ARL15: variants seen among roughly 807,000 people sequenced by gnomAD.
The protein encoded by ARL15 is ARF like GTPase 15.
Under a neutral mutation model 25.2 loss-of-function variants are expected in ARL15, and 19 were observed. That is an observed-to-expected ratio of 0.75 (90% confidence interval 0.53 to 1.10). The LOEUF (loss-of-function observed/expected upper bound fraction) is 1.10. Ranked by LOEUF, ARL15 falls within the 50% of genes least tolerant of loss-of-function variation. The probability of loss-of-function intolerance (pLI) is 0.00; values close to 1 mark genes in which losing one functional copy is unlikely to be tolerated. For missense variants in ARL15, 220 were observed against 246.0 expected (o/e 0.89, Z 0.71); for synonymous variants, 94 against 86.8 (o/e 1.08, Z -0.46).
chr5:54,290,120 A>G (rs1758287556), intron 1 of ARL15, among the ~76,000 whole-genome samples: 1 of 152,198 alleles, frequency 6.6e-6, no homozygotes, highest in African/African-American at 2.4e-5. Context: ...AGGAGTAAAC[A>G]TTCCAAATCC....
At chr5:54,107,230 C>T (rs1209404368) in intron 4 of ARL15, among the ~76,000 whole-genome samples, 1 of 152,152 alleles carries the variant, frequency 6.6e-6, no homozygotes, top group Admixed American at 6.6e-5. Context: ...ATTCAATTGC[C>T]TCCTCCTGGC....
intron 4 of ARL15, among the ~76,000 whole-genome samples, chr5:54,048,619 T>TGG (rs1391083627): frequency 6.6e-6 from 1 of 151,532 alleles, no homozygotes; most frequent in East Asian, 1.9e-4. Context: ...GCCAGGCTGG[T>TGG]CTCGAACTCC....
At chr5:54,053,832 GTGTCC>G (rs2111998620) in intron 4 of ARL15, among the ~76,000 whole-genome samples, 1 of 152,292 alleles carries the variant, frequency 6.6e-6, no homozygotes, top group Admixed American at 6.5e-5. Flanking sequence ...GTGTAATGTG[GTGTCC>G]TGTATGGGAT....
At chr5:53,905,872 C>T (rs1035716573) in intron 4 of ARL15, among the ~76,000 whole-genome samples, 1 of 151,848 alleles carries the variant, frequency 6.6e-6, no homozygotes, top group African/African-American at 2.4e-5. Flanking sequence ...CTCTATGTGT[C>T]CACAAACTTA....
Position 54,032,377 on chromosome 5 carries a change from G to A in ARL15, c.462+80825C>T, listed in dbSNP as rs28529264. On this transcript the variant is annotated intron_variant, in intron 4 of 4. Coordinates refer to ENST00000504924, the MANE Select transcript of ARL15 (RefSeq NM_019087.3). ...ACCTCCCGAGTAGCTGGGATTACAC[G>A]CATCTGCTATCATGCCTGGACTAAT... Among the ~76,000 whole-genome samples the A allele has an allele frequency of 8.5e-3, 1,285 of 152,046 alleles. 23 individuals carry two copies. The highest frequency in any genetic ancestry group is 0.03 in the African/African-American group (1,225 of 41,484).
chr5:54,307,472 T>G (rs895328121), intron 1 of ARL15, among the ~76,000 whole-genome samples: 1 of 152,132 alleles, frequency 6.6e-6, no homozygotes, highest in African/African-American at 2.4e-5. Flanking sequence ...ATTAGCAAAT[T>G]TCTATTCTTT....
Position 54,277,609 on chromosome 5 carries a change from G to A in ARL15, c.48+32823C>T, listed in dbSNP as rs186185139. ...TACTAAAAATACAAAAAAATTAGCC[G>A]GGCGTGGTGGCGGGCGCCTGTAGTC... On this transcript the variant is annotated intron_variant, in intron 1 of 4. Transcript: ENST00000504924. Among the ~76,000 whole-genome samples the A allele has an allele frequency of 6.3e-3, 966 of 152,126 alleles. 7 individuals are homozygous for A. The highest frequency in any genetic ancestry group is 0.022 in the African/African-American group (918 of 41,524).
At chr5:54,020,060 G>T (rs1329908625) in intron 4 of ARL15, among the ~76,000 whole-genome samples, 1 of 152,076 alleles carries the variant, frequency 6.6e-6, no homozygotes, top group East Asian at 1.9e-4. Context: ...AGATCTAAAA[G>T]AAATATAACC....
chr5:54,047,837 TCA>T (rs1750571896), intron 4 of ARL15, among the ~76,000 whole-genome samples: 1 of 152,240 alleles, frequency 6.6e-6, no homozygotes, highest in African/African-American at 2.4e-5. Flanking sequence ...GCATTTTTAT[TCA>T]CAGACATGTT....
At chr5:54,012,770 C>T (rs1286827534) in intron 4 of ARL15, among the ~76,000 whole-genome samples, 3 of 151,810 alleles carry the variant, frequency 2.0e-5, no homozygotes, top group African/African-American at 7.3e-5. Context: ...GTGATCCACC[C>T]GCCTCGGCCT....
At chr5:54,155,623 A>G (rs1754204485) in intron 2 of ARL15, among the ~76,000 whole-genome samples, 1 of 152,062 alleles carries the variant, frequency 6.6e-6, no homozygotes, top group Non-Finnish European at 1.5e-5. Flanking sequence ...TGACTTAACT[A>G]TTACCATTCA....
chr5:54,123,906 A>G (rs191248095), intron 3 of ARL15, among the ~76,000 whole-genome samples: 1 of 152,232 alleles, frequency 6.6e-6, no homozygotes, highest in Non-Finnish European at 1.5e-5. Flanking sequence ...AAAGAGAGTG[A>G]CACAGCATTA....
chr5:54,111,377 T>C (rs1024345780), intron 4 of ARL15, among the ~76,000 whole-genome samples: 6 of 152,026 alleles, frequency 3.9e-5, no homozygotes, highest in African/African-American at 1.4e-4. Flanking sequence ...AAAAAGATAT[T>C]TGCTCTTTAC....
intron 4 of ARL15, among the ~76,000 whole-genome samples, chr5:54,041,723 T>C (rs1750347153): frequency 6.6e-6 from 1 of 152,242 alleles, no homozygotes; most frequent in African/African-American, 2.4e-5. Context: ...ATGGCATCTT[T>C]CATTTCATAG....
intron 1 of ARL15, among the ~76,000 whole-genome samples, chr5:54,304,647 C>T (rs1758707656): frequency 6.6e-6 from 1 of 152,150 alleles, no homozygotes; most frequent in Admixed American, 6.5e-5. Flanking sequence ...ATATGAACTC[C>T]ATATATGGTA....
intron 4 of ARL15, among the ~76,000 whole-genome samples, chr5:54,111,715 C>G (rs1332444526): frequency 6.6e-6 from 1 of 152,056 alleles, no homozygotes; most frequent in African/African-American, 2.4e-5. Flanking sequence ...ACACATTATA[C>G]TGTCTACATG....
intron 2 of ARL15, among the ~76,000 whole-genome samples, chr5:54,163,178 T>C (rs1189676091): frequency 6.6e-6 from 1 of 152,068 alleles, no homozygotes; most frequent in Non-Finnish European, 1.5e-5. Flanking sequence ...TCTTTTGGTT[T>C]ATTGATATTG....
intron 1 of ARL15, among the ~76,000 whole-genome samples, chr5:54,204,893 G>C (rs1318321940): frequency 6.7e-6 from 1 of 148,838 alleles, no homozygotes; most frequent in African/African-American, 2.5e-5. Flanking sequence ...GGAATGTATA[G>C]TCATTTACGA....
intron 3 of ARL15, among the ~76,000 whole-genome samples, chr5:54,151,432 G>A (rs570066605): frequency 6.6e-6 from 1 of 151,960 alleles, no homozygotes; most frequent in African/African-American, 2.4e-5. Flanking sequence ...TGAATGAGGA[G>A]TTCCCTGAAG....
Sources: gnomAD v4.1 joint callset for allele counts (sites outside exome capture counted in the v4.1 genomes callset) on GRCh38, gnomAD v4.1.1 for gene constraint, MANE v1.5 for transcripts, NCBI Gene and HGNC (gene_info 2026-07-23, HGNC 2026-07-21) for gene names.